SYN3: variants seen among roughly 807,000 people sequenced by gnomAD.
SYN3 encodes the protein synapsin III.
A neutral mutation model predicts 65.8 loss-of-function variants in SYN3; 35 were observed. That is an observed-to-expected ratio of 0.53 (90% CI 0.41 to 0.70). The LOEUF is 0.70. SYN3 is among the 30% of genes least tolerant of loss of function. The pLI is 0.00. For synonymous variants in SYN3, 270 were observed against 292.9 expected (o/e 0.92, Z 0.80); for missense variants, 680 against 749.0 (o/e 0.91, Z 1.08).
At chr22:32,698,316 T>C (rs1343092633) in intron 6 of SYN3, among the ~76,000 whole-genome samples, 1 of 151,558 alleles carries the variant, frequency 6.6e-6, no homozygotes, top group Non-Finnish European at 1.5e-5. Context: ...ATGGTTTTTC[T>C]CCCCCGTTTC....
At chr22:32,564,519 A>G (rs1226915316) in intron 7 of SYN3, among the ~76,000 whole-genome samples, 1 of 152,234 alleles carries the variant, frequency 6.6e-6, no homozygotes, top group Non-Finnish European at 1.5e-5. Context: ...AAACACAAGC[A>G]GTACTCCCAG....
Position 32,559,958 on chromosome 22 carries a change from T to C in SYN3, c.775-18245A>G, listed in dbSNP as rs150103146. Among the ~76,000 whole-genome samples, 63 of 152,202 alleles carry C rather than the reference T, an allele frequency of 4.1e-4. 2 individuals carry two copies. The highest frequency in any genetic ancestry group is 1.6e-3 in the Admixed American group (24 of 15,288). On this transcript the variant is annotated intron_variant, in intron 7 of 13. Transcript: ENST00000358763. ...CTAAGAGGCAAAATGGCGGAGTGTA[T>C]GTAACTGGTATATGACCTTCTTCTA... is the stretch of plus-strand genomic sequence containing the variant.
intron 3 of SYN3, among the ~76,000 whole-genome samples, chr22:32,945,236 C>T (rs2051069738): frequency 6.6e-6 from 1 of 152,208 alleles, no homozygotes; most frequent in Non-Finnish European, 1.5e-5. Context: ...ACTGCCAAGA[C>T]AATCCTAAGC....
intron 6 of SYN3, among the ~76,000 whole-genome samples, chr22:32,810,094 A>G (rs2046876111): frequency 6.6e-6 from 1 of 152,214 alleles, no homozygotes; most frequent in Non-Finnish European, 1.5e-5. Context: ...TACACAAAGT[A>G]TTGATTCTAG....
chr22:32,985,189 C>T (rs1027686144), intron 2 of SYN3, among the ~76,000 whole-genome samples: 1 of 152,172 alleles, frequency 6.6e-6, no homozygotes, highest in Non-Finnish European at 1.5e-5. Context: ...TGAAACAAGG[C>T]ATACAAAGCA....
At chr22:32,680,945 G>A (rs1426931852) in intron 6 of SYN3, among the ~76,000 whole-genome samples, 1 of 152,222 alleles carries the variant, frequency 6.6e-6, no homozygotes, top group Non-Finnish European at 1.5e-5. Flanking sequence ...AGCAAGATGT[G>A]ATTCCTCCCC....
intron 7 of SYN3, among the ~76,000 whole-genome samples, chr22:32,546,842 C>T (rs1024590021): frequency 1.2e-4 from 18 of 152,026 alleles, no homozygotes; most frequent in African/African-American, 3.9e-4. Context: ...TTGCCTCCCT[C>T]GCCCCTCTTC....
rs562561475 is a variant in SYN3 at position 32,510,616 on chromosome 22, A to G, written c.*3076T>C. Among the ~76,000 whole-genome samples, 1 of 152,212 alleles carries G rather than the reference A, an allele frequency of 6.6e-6. No homozygotes were observed. Among genetic ancestry groups the G allele is most frequent in the South Asian group, 2.1e-4 (1 of 4,818 alleles). ...TTATTTATTAATATTTGAAAGGTCT[A>G]CCCCTGAGTAAGGAGGGTGGATATA... On this transcript the variant is annotated 3_prime_UTR_variant, in exon 14 of 14. Coordinates refer to ENST00000358763, the MANE Select transcript of SYN3 (RefSeq NM_003490.4).
chr22:32,987,144 G>A (rs2052551284), intron 2 of SYN3, among the ~76,000 whole-genome samples: 1 of 152,160 alleles, frequency 6.6e-6, no homozygotes, highest in Non-Finnish European at 1.5e-5. Flanking sequence ...GAGAGGTCAG[G>A]AATGTCCTGT....
At chr22:32,930,603 C>T (rs2050600673) in intron 4 of SYN3, among the ~76,000 whole-genome samples, 1 of 152,128 alleles carries the variant, frequency 6.6e-6, no homozygotes, top group African/African-American at 2.4e-5. Context: ...AGAATGTCCA[C>T]ATTCTACCAT....
intron 3 of SYN3, among the ~76,000 whole-genome samples, chr22:32,965,728 C>A (rs573345580): frequency 2.0e-5 from 3 of 152,102 alleles, no homozygotes; most frequent in African/African-American, 7.2e-5. Context: ...TGGAGTCTCG[C>A]TCTTTCGCCC....
chr22:32,622,131 G>C (rs2059604139), intron 6 of SYN3, among the ~76,000 whole-genome samples: 1 of 151,970 alleles, frequency 6.6e-6, no homozygotes, highest in Non-Finnish European at 1.5e-5. Context: ...GATTAGTCCA[G>C]CTTCGTAAAT....
intron 3 of SYN3, among the ~76,000 whole-genome samples, chr22:32,973,051 C>T (rs1054741040): frequency 2.6e-5 from 4 of 152,110 alleles, no homozygotes; most frequent in Admixed American, 2.0e-4. Flanking sequence ...CAAAAAAGAG[C>T]CCAGGCTCCT....
At chr22:32,849,543 T>A in intron 6 of SYN3, 2 of 1,612,376 alleles carry the variant, frequency 1.2e-6, no homozygotes. Context: ...AGGTAGGTAA[T>A]GTCATCACCC....
intron 7 of SYN3, among the ~76,000 whole-genome samples, chr22:32,571,839 T>C (rs1395646283): frequency 6.6e-6 from 1 of 152,060 alleles, no homozygotes; most frequent in Non-Finnish European, 1.5e-5. Flanking sequence ...CACCACTGCA[T>C]CCTCAGTGCC....
rs59432094 is a variant in SYN3 at position 32,531,148 on chromosome 22, C to CAA, written c.1096-2142_1096-2141dup. Reference sequence around the variant, plus strand: ...CTGGCGACAGAATGAGACCCCGTCTCAAAAAAAAAAAAAAAAAAAAAAAAA... The same window carrying CAA: ...CTGGCGACAGAATGAGACCCCGTCTCAAAAAAAAAAAAAAAAAAAAAAAAAAA... On this transcript the variant is annotated intron_variant, in intron 10 of 13. Coordinates refer to ENST00000358763, the MANE Select transcript of SYN3 (RefSeq NM_003490.4). 8.5e-3 allele frequency among the ~76,000 whole-genome samples: 223 copies of CAA among 26,138 alleles called. 19 individuals carry two copies. The highest frequency in any genetic ancestry group is 0.026 in the African/African-American group (155 of 6,038). 17.1% of individuals were successfully genotyped at this position (26,138 alleles called of 152,430 possible).
At chr22:32,753,413 C>T (rs2145669433) in intron 6 of SYN3, among the ~76,000 whole-genome samples, 1 of 152,262 alleles carries the variant, frequency 6.6e-6, no homozygotes, top group East Asian at 1.9e-4. Context: ...CCCTGACTGC[C>T]CCATGACGAT....
At chr22:32,642,426 G>A (rs1367062299) in intron 6 of SYN3, among the ~76,000 whole-genome samples, 1 of 151,632 alleles carries the variant, frequency 6.6e-6, no homozygotes, top group Non-Finnish European at 1.5e-5. Context: ...TTTTGATTTT[G>A]ATTTTTTATC....
Position 32,988,083 on chromosome 22 carries a change from C to T in SYN3, c.312-7381G>A, listed in dbSNP as rs571869550. On this transcript the variant is annotated intron_variant, in intron 2 of 13. Transcript: ENST00000358763. ...CAACACTTTGGGAGGCCGAGGTGGG[C>T]GGTTCACGAGGTCAAGAGATCAAGA... 1.6e-3 allele frequency among the ~76,000 whole-genome samples: 241 copies of T among 151,556 alleles called. 1 individual carries two copies. The highest frequency in any genetic ancestry group is 2.8e-3 in the Non-Finnish European group (192 of 67,912).
Sources: gnomAD v4.1 joint callset for allele counts (sites outside exome capture counted in the v4.1 genomes callset) on GRCh38, gnomAD v4.1.1 for gene constraint, MANE v1.5 for transcripts, NCBI Gene and HGNC (gene_info 2026-07-23, HGNC 2026-07-21) for gene names.